The following SMARCA4 variants were observed in gnomAD, a reference collection of about 807,000 sequenced individuals.
SMARCA4 encodes the protein SWI/SNF related BAF chromatin remodeling complex subunit ATPase 4.
A neutral mutation model predicts 193.9 loss-of-function variants in SMARCA4; 31 were observed. The observed-to-expected ratio is 0.16, with a 90% CI of 0.12 to 0.22. The LOEUF (loss-of-function observed/expected upper bound fraction) is 0.22, where lower values mean the gene tolerates loss of function less well. SMARCA4 is among the 10% of genes least tolerant of loss of function. SMARCA4 has a pLI of 1.00. For missense variants in SMARCA4, 1,148 were observed against 2,296.0 expected (o/e 0.50, Z 10.22); for synonymous variants, 942 against 933.1 (o/e 1.01, Z -0.17).
intron 1 of SMARCA4, among the ~76,000 whole-genome samples, chr19:10,971,067 G>A (rs1371569348): frequency 2.0e-5 from 3 of 152,196 alleles, no homozygotes; most frequent in African/African-American, 2.4e-5. Flanking sequence ...GTGGTGGCGC[G>A]TGCCTGTAAT....
At chr19:11,029,819 G>A (rs1033755797) in intron 24 of SMARCA4, among the ~76,000 whole-genome samples, 15 of 151,828 alleles carry the variant, frequency 9.9e-5, no homozygotes, top group African/African-American at 3.1e-4. Context: ...GATTACAGGC[G>A]CCCGCCACTA....
At chr19:11,026,272 C>T (rs1352315123) in intron 22 of SMARCA4, 28 bp from the exon 23 acceptor site, 3 of 1,608,042 alleles carry the variant, frequency 1.9e-6, no homozygotes, top group East Asian at 4.5e-5. Flanking sequence ...TCCTGCCTGT[C>T]ACTGACCCCT....
intron 11 of SMARCA4, 51 bp downstream of exon 11, chr19:10,996,595 G>C: frequency 6.5e-7 from 1 of 1,543,054 alleles, no homozygotes. Flanking sequence ...CTAAGGCGTT[G>C]GTCTGTTTCA....
Position 11,027,723 on chromosome 19 carries a change from T to C in SMARCA4, c.3216-61T>C, listed in dbSNP as rs886955786. The stretch of plus-strand genomic sequence containing the variant: ...CGGGCGATGCACCTCCTGCCTTACC[T>C]GCCTGCAGGGTTCCAGGTTTAACAT... On this transcript the variant is annotated intron_variant, in intron 23 of 34. Transcript: ENST00000344626. 22 of 1,596,492 alleles carry C rather than the reference T, an allele frequency of 1.4e-5. 1 individual carries two copies. The African/African-American group carries it at 2.7e-4, about 19-fold the overall frequency.
rs1402031100 is a variant in SMARCA4 at position 11,041,446 on chromosome 19, G to A, written c.4310G>A (p.Ser1437Asn). The A allele has an allele frequency of 5.6e-6, 9 of 1,612,522 alleles. No homozygotes were observed. In the Admixed American group the frequency reaches 1.2e-4, roughly 21 times the overall value. ...CGCAGCCGCGACAAGGACGACGAGA[G>A]CAAGAAGCAGAAGAAGCGCGGGCGG... is the stretch of plus-strand genomic sequence containing the variant. ...STRSRDKDDE[S>N]KKQKKRGRPP... Residue 1437 changes from serine to asparagine, a missense_variant, in exon 30 of 35, where the codon AGC (serine) becomes AAC (asparagine). Transcript: ENST00000344626. The surrounding 1 kb of genome is among the most constrained non-coding windows in gnomAD (Gnocchi z 5.6).
chr19:11,057,837 T>A (rs1247289343), intron 30 of SMARCA4, among the ~76,000 whole-genome samples: 1 of 152,054 alleles, frequency 6.6e-6, no homozygotes, highest in Non-Finnish European at 1.5e-5. Flanking sequence ...GCATGGTGGC[T>A]CACACCTGTA....
At position 10,985,210 on chromosome 19, in the gene SMARCA4, A is replaced by T. The variant is rs2145744962; in HGVS notation, c.223-63A>T. 1.3e-6 allele frequency: 2 copies of T among 1,591,380 alleles called. No homozygotes were observed. The highest frequency in any genetic ancestry group is 1.7e-6 in the Non-Finnish European group (2 of 1,160,460). The stretch of plus-strand genomic sequence containing the variant: ...CCCTCGAGCTTCTCTCGGGCAGCGC[A>T]TAGCTGCGCTGCCACCTCACGTTCC... On this transcript the variant is annotated intron_variant, in intron 2 of 34. Transcript: ENST00000344626. The surrounding 1 kb of genome is among the most constrained non-coding windows in gnomAD (Gnocchi z 4.5).
chr19:11,014,599 G>C (rs1359104239), intron 16 of SMARCA4, among the ~76,000 whole-genome samples: 1 of 152,084 alleles, frequency 6.6e-6, no homozygotes, highest in South Asian at 2.1e-4. Flanking sequence ...GCTCCCCTCT[G>C]CCCTTCTTCC....
chr19:11,004,904 A>G (rs1859668229), intron 13 of SMARCA4, among the ~76,000 whole-genome samples: 1 of 151,518 alleles, frequency 6.6e-6, no homozygotes. Flanking sequence ...CAGTGGAGCA[A>G]TCTCGGCTCA....
intron 30 of SMARCA4, among the ~76,000 whole-genome samples, chr19:11,045,959 C>T (rs530807142): frequency 3.9e-5 from 6 of 152,158 alleles, no homozygotes; most frequent in South Asian, 4.1e-4. Context: ...TGTGGTGGCT[C>T]ACGCCTGTAA....
chr19:10,974,448 T>C (rs1475407579), intron 1 of SMARCA4, among the ~76,000 whole-genome samples: 2 of 150,668 alleles, frequency 1.3e-5, no homozygotes, highest in African/African-American at 4.9e-5. Context: ...GGTATTCTGA[T>C]TTAGGCTTTT....
At chr19:11,029,125 C>G (rs2090463483) in intron 24 of SMARCA4, among the ~76,000 whole-genome samples, 1 of 152,206 alleles carries the variant, frequency 6.6e-6, no homozygotes, top group Non-Finnish European at 1.5e-5. Context: ...TTGCCTTCTT[C>G]CTTGGGGGCT....
At chr19:11,043,154 A>G (rs930596432) in intron 30 of SMARCA4, among the ~76,000 whole-genome samples, 1 of 151,950 alleles carries the variant, frequency 6.6e-6, no homozygotes, top group African/African-American at 2.4e-5. Flanking sequence ...CGCCGAGCGT[A>G]GTGGTGCATG....
In SMARCA4 at chr19:11,021,805, G is replaced by T. The variant is rs373267815; in HGVS notation, c.2697G>T (p.Thr899=). ...HHCKLTQVLN[T]HYVAPRRLLL... ...GCAAGCTGACGCAGGTGCTCAACAC[G>T]CACTATGTGGCACCCCGCCGCCTGC... The change falls in exon 19 of 35, where the codon ACG becomes ACT. Residue 899 remains threonine, a synonymous_variant. Coordinates refer to ENST00000344626, the MANE Select transcript of SMARCA4 (RefSeq NM_003072.5). 9 of 1,613,732 alleles carry T rather than the reference G, an allele frequency of 5.6e-6. No homozygotes were observed. The highest frequency in any genetic ancestry group is 2.2e-5 in the East Asian group (1 of 44,890).
chr19:11,007,860 C>G (rs778868061), intron 13 of SMARCA4, 42 bp from the exon 14 acceptor site: 3 of 1,609,588 alleles, frequency 1.9e-6, no homozygotes, highest in Non-Finnish European at 2.5e-6. Context: ...TCCCCCCTCT[C>G]TGGGGGATGA....
At chr19:10,972,403 CT>C (rs56098845) in intron 1 of SMARCA4, among the ~76,000 whole-genome samples, 711 of 145,250 alleles carry the variant, frequency 4.9e-3, no homozygotes, top group African/African-American at 6.0e-3. Flanking sequence ...GCCCTGAATA[CT>C]TTTTTTTTTT....
chr19:10,963,122 C>T lies in SMARCA4; in HGVS notation c.-32+1948C>T, dbSNP rs979787318. 2.6e-5 allele frequency among the ~76,000 whole-genome samples: 4 copies of T among 151,932 alleles called. No individual in the cohort carries two copies. The East Asian group carries it at 7.8e-4, about 30-fold the overall frequency. Reference sequence around the variant, plus strand: ...GTGCAGTGGCTCATACCTGAAATCCCAGCACTTGGGGAGGCTGAGGCGGGA... The same window carrying T: ...GTGCAGTGGCTCATACCTGAAATCCTAGCACTTGGGGAGGCTGAGGCGGGA... On this transcript the variant is annotated intron_variant, in intron 1 of 34. Coordinates refer to ENST00000344626, the MANE Select transcript of SMARCA4 (RefSeq NM_003072.5).
At chr19:11,045,854 C>G (rs759261900) in intron 30 of SMARCA4, among the ~76,000 whole-genome samples, 2 of 151,838 alleles carry the variant, frequency 1.3e-5, no homozygotes, top group Admixed American at 1.3e-4. Context: ...GAGGCCGAGG[C>G]GGAGGATCAC....
At chr19:11,020,169 T>C (rs2089732994) in intron 18 of SMARCA4, among the ~76,000 whole-genome samples, 1 of 152,180 alleles carries the variant, frequency 6.6e-6, no homozygotes, top group Non-Finnish European at 1.5e-5. Flanking sequence ...CCTGCTGGCC[T>C]TGGGCAGCTG....
Sources: gnomAD v4.1 joint callset for allele counts (sites outside exome capture counted in the v4.1 genomes callset) on GRCh38, gnomAD v4.1.1 for gene constraint, Gnocchi (gnomAD v3.1) non-coding constraint, MANE v1.5 for transcripts, NCBI Gene and HGNC (gene_info 2026-07-23, HGNC 2026-07-21) for gene names.